The following CDH18 variants were observed in gnomAD, a reference collection of about 807,000 sequenced individuals.
CDH18 encodes the protein cadherin-18.
A neutral mutation model predicts 67.9 loss-of-function variants in CDH18; 31 were observed. That is an observed-to-expected ratio of 0.46 (90% CI 0.34 to 0.62). The LOEUF is 0.62. CDH18 is among the 20% of genes least tolerant of loss of function. The pLI is 0.01. For synonymous variants in CDH18, 362 were observed against 347.2 expected (o/e 1.04, Z -0.48); for missense variants, 890 against 975.5 (o/e 0.91, Z 1.17).
chr5:19,858,715 T>G (rs1476663523), intron 2 of CDH18, among the ~76,000 whole-genome samples: 1 of 152,206 alleles, frequency 6.6e-6, no homozygotes, highest in Admixed American at 6.6e-5. Context: ...GAAAATGTTC[T>G]TGCACTAGAA....
intron 2 of CDH18, among the ~76,000 whole-genome samples, chr5:20,241,445 G>A (rs541293034): frequency 3.8e-4 from 58 of 152,262 alleles, no homozygotes; most frequent in South Asian, 1.2e-3. Flanking sequence ...GGCTGAAAGA[G>A]CTCTATGGAC....
Position 20,479,266 on chromosome 5 carries a change from A to G in CDH18, c.-580+96196T>C, listed in dbSNP as rs148893475. 3.4e-4 allele frequency among the ~76,000 whole-genome samples: 52 copies of G among 152,248 alleles called. No homozygotes were observed. In the East Asian group the frequency reaches 6.6e-3, roughly 19 times the overall value. On this transcript the variant is annotated intron_variant, in intron 1 of 14. Coordinates refer to the CDH18 transcript ENST00000507958. Reference sequence around the variant, plus strand: ...CAGGAAAATATGTCCTTACCAAAAGAAGTAACTAAGGTACCAGTGACCAAT... The same window carrying G: ...CAGGAAAATATGTCCTTACCAAAAGGAGTAACTAAGGTACCAGTGACCAAT...
At chr5:20,432,400 G>A (rs752953503) in intron 1 of CDH18, among the ~76,000 whole-genome samples, 1 of 152,128 alleles carries the variant, frequency 6.6e-6, no homozygotes. Context: ...GGGAAAGCTA[G>A]TTAGTACAGA....
intron 1 of CDH18, among the ~76,000 whole-genome samples, chr5:20,341,544 C>CATAT (rs34518300): frequency 0.1 from 15,676 of 149,570 alleles, 1,147 homozygotes; most frequent in East Asian, 0.35. Flanking sequence ...TATTAGAGGG[C>CATAT]ATATATATAT....
At chr5:19,582,442 A>G (rs1432075350) in intron 7 of CDH18, among the ~76,000 whole-genome samples, 4 of 152,010 alleles carry the variant, frequency 2.6e-5, no homozygotes, top group African/African-American at 9.7e-5. Flanking sequence ...GCTCATCATT[A>G]TGCCTATAGA....
intron 5 of CDH18, among the ~76,000 whole-genome samples, chr5:19,615,765 G>A (rs1749721674): frequency 6.6e-6 from 1 of 152,066 alleles, no homozygotes. Flanking sequence ...TATTTCAAAT[G>A]TTATGCAATT....
chr5:20,467,840 G>A (rs899717451), intron 1 of CDH18, among the ~76,000 whole-genome samples: 16 of 152,166 alleles, frequency 1.1e-4, no homozygotes, highest in African/African-American at 1.9e-4. Flanking sequence ...AAAGCAAGGC[G>A]GTGATGGCTG....
At chr5:19,888,103 AC>A (rs1788416938) in intron 2 of CDH18, among the ~76,000 whole-genome samples, 1 of 152,082 alleles carries the variant, frequency 6.6e-6, no homozygotes, top group African/African-American at 2.4e-5. Context: ...ACACTGCTTT[AC>A]CATGTTGCAT....
chr5:20,300,974 G>A (rs1747934527), intron 1 of CDH18, among the ~76,000 whole-genome samples: 1 of 152,158 alleles, frequency 6.6e-6, no homozygotes, highest in Non-Finnish European at 1.5e-5. Flanking sequence ...AAAAAAATTG[G>A]AGGGGATGAA....
intron 3 of CDH18, among the ~76,000 whole-genome samples, chr5:19,824,219 C>T (rs1468615325): frequency 6.6e-6 from 1 of 152,104 alleles, no homozygotes; most frequent in Non-Finnish European, 1.5e-5. Flanking sequence ...GTGTGCTCCT[C>T]TCACAGAGGG....
At chr5:20,226,633 T>C (rs1367715752) in intron 2 of CDH18, among the ~76,000 whole-genome samples, 1 of 152,146 alleles carries the variant, frequency 6.6e-6, no homozygotes, top group Admixed American at 6.6e-5. Flanking sequence ...ATATCTTTTC[T>C]TATTGCTGAT....
chr5:19,962,739 G>A (rs576695298), intron 2 of CDH18, among the ~76,000 whole-genome samples: 21 of 152,106 alleles, frequency 1.4e-4, no homozygotes, highest in Non-Finnish European at 2.1e-4. Flanking sequence ...TTGCACCACC[G>A]CACTGCAGCC....
At chr5:19,794,119 T>G (rs947869993) in intron 3 of CDH18, among the ~76,000 whole-genome samples, 1 of 152,148 alleles carries the variant, frequency 6.6e-6, no homozygotes, top group African/African-American at 2.4e-5. Flanking sequence ...GAAATAGTCC[T>G]ACAAATAGCA....
chr5:20,567,046 C>T (rs1413453840), intron 1 of CDH18, among the ~76,000 whole-genome samples: 3 of 152,178 alleles, frequency 2.0e-5, no homozygotes, highest in African/African-American at 7.2e-5. Context: ...GTTATCAACT[C>T]TTCTTTATTC....
At chr5:20,339,199 T>G (rs1454865213) in intron 1 of CDH18, among the ~76,000 whole-genome samples, 1 of 152,142 alleles carries the variant, frequency 6.6e-6, no homozygotes, top group Non-Finnish European at 1.5e-5. Flanking sequence ...CCTGAAACAC[T>G]GGGACTCCTT....
intron 11 of CDH18, among the ~76,000 whole-genome samples, chr5:19,485,476 C>T (rs533290414): frequency 1.3e-5 from 2 of 152,148 alleles, no homozygotes; most frequent in East Asian, 3.9e-4. Flanking sequence ...AGGATGGTCT[C>T]GATCTCCTGA....
Position 19,825,712 on chromosome 5 carries a change from T to C in CDH18, c.228+13047A>G, listed in dbSNP as rs74447675. 1.1e-3 allele frequency among the ~76,000 whole-genome samples: 160 copies of C among 150,812 alleles called. 4 individuals are homozygous for C. In the East Asian group the frequency reaches 0.021, roughly 20 times the overall value. On this transcript the variant is annotated intron_variant, in intron 3 of 12. Coordinates refer to ENST00000382275, the MANE Select transcript of CDH18 (RefSeq NM_004934.5). ...AAACTCTCAAGGGCATCAAAGAAGATAAAAGCAAACAAAACTTATGCAAAG... is the reference window on the plus strand; with the variant it reads ...AAACTCTCAAGGGCATCAAAGAAGACAAAAGCAAACAAAACTTATGCAAAG...
At chr5:19,993,014 C>G (rs1415614347), upstream of CDH18, among the ~76,000 whole-genome samples, 1 of 152,262 alleles carries the variant, frequency 6.6e-6, no homozygotes, top group African/African-American at 2.4e-5. Flanking sequence ...GCTCCAACTC[C>G]AAACCTGCCC....
At chr5:19,555,718 T>C (rs1738281460) in intron 8 of CDH18, among the ~76,000 whole-genome samples, 2 of 152,144 alleles carry the variant, frequency 1.3e-5, no homozygotes, top group South Asian at 2.1e-4. Context: ...ACATAATCTC[T>C]TGGGAGCCGT....
Sources: gnomAD v4.1 joint callset for allele counts (sites outside exome capture counted in the v4.1 genomes callset) on GRCh38, gnomAD v4.1.1 for gene constraint, MANE v1.5 for transcripts, NCBI Gene and HGNC (gene_info 2026-07-23, HGNC 2026-07-21) for gene names.